Variants in GPC6 observed in about 807,000 individuals in gnomAD.
The protein encoded by GPC6 is glypican-6.
Under a neutral mutation model 55.2 loss-of-function variants are expected in GPC6, and 14 were observed. That is an observed-to-expected ratio of 0.25 (90% CI 0.17 to 0.40). The LOEUF (loss-of-function observed/expected upper bound fraction) is 0.40, where lower values mean the gene tolerates loss of function less well. GPC6 is among the 10% of genes least tolerant of loss of function. The pLI is 1.00. For synonymous variants in GPC6, 278 were observed against 259.6 expected (o/e 1.07, Z -0.68); for missense variants, 641 against 708.5 (o/e 0.90, Z 1.08).
chr13:94,270,517 T>C (rs1891957782), intron 4 of GPC6, among the ~76,000 whole-genome samples: 1 of 152,196 alleles, frequency 6.6e-6, no homozygotes, highest in Non-Finnish European at 1.5e-5. Context: ...CCTATTAGAG[T>C]TAACATCTGA....
intron 3 of GPC6, among the ~76,000 whole-genome samples, chr13:93,931,244 G>A (rs192151293): frequency 3.9e-4 from 59 of 152,140 alleles, no homozygotes; most frequent in African/African-American, 1.4e-3. Flanking sequence ...AGTGAAGGTG[G>A]GAGACTGGTG....
intron 4 of GPC6, among the ~76,000 whole-genome samples, chr13:94,123,995 G>A (rs1179737968): frequency 6.6e-6 from 1 of 152,004 alleles, no homozygotes; most frequent in African/African-American, 2.4e-5. Context: ...CTGAATTACT[G>A]AAGTAAATAA....
At chr13:94,356,627 G>C (rs150637563) in intron 6 of GPC6, among the ~76,000 whole-genome samples, 2 of 152,348 alleles carry the variant, frequency 1.3e-5, no homozygotes, top group East Asian at 3.9e-4. Flanking sequence ...TAAGAGAAGA[G>C]CCATCACTCC....
intron 3 of GPC6, among the ~76,000 whole-genome samples, chr13:93,908,983 TTGGTGTTTG>T (rs1876820329): frequency 1.3e-5 from 2 of 152,192 alleles, no homozygotes; most frequent in Admixed American, 1.3e-4. Flanking sequence ...TTCTCTTGCT[TTGGTGTTTG>T]TCTTAGCAAT....
intron 3 of GPC6, among the ~76,000 whole-genome samples, chr13:93,900,181 T>C (rs9524272): frequency 0.3 from 45,274 of 151,996 alleles, 6,859 homozygotes; most frequent in Non-Finnish European, 0.32. Context: ...TTAAGAATCT[T>C]CAGCATTCAA....
intron 1 of GPC6, among the ~76,000 whole-genome samples, chr13:93,517,076 A>G (rs1000263620): frequency 0.011 from 207 of 18,020 alleles, 1 homozygote; most frequent in Non-Finnish European, 0.085. Flanking sequence ...TTTTAGATGC[A>G]TTCATAGACA....
intron 1 of GPC6, among the ~76,000 whole-genome samples, chr13:93,334,035 A>G (rs1279562229): frequency 6.6e-6 from 1 of 152,156 alleles, no homozygotes; most frequent in Non-Finnish European, 1.5e-5. Flanking sequence ...GTTCACAAGT[A>G]TATTTAATTA....
chr13:94,353,055 C>G (rs1242941439), intron 6 of GPC6, among the ~76,000 whole-genome samples: 4 of 152,096 alleles, frequency 2.6e-5, no homozygotes, highest in Admixed American at 6.5e-5. Flanking sequence ...ATATAACTGA[C>G]AGTAACGTGT....
At chr13:94,112,619 G>A (rs1264874769) in intron 4 of GPC6, among the ~76,000 whole-genome samples, 1 of 152,086 alleles carries the variant, frequency 6.6e-6, no homozygotes. Flanking sequence ...TTGCTTCCAA[G>A]CTTTCTTATC....
At chr13:93,380,994 G>A (rs192158661) in intron 1 of GPC6, among the ~76,000 whole-genome samples, 477 of 152,224 alleles carry the variant, frequency 3.1e-3, no homozygotes, top group South Asian at 6.2e-3. Flanking sequence ...AACTATTTAA[G>A]ATCCAAATTT....
chr13:93,474,885 A>G (rs1429162833), intron 1 of GPC6, among the ~76,000 whole-genome samples: 1 of 152,208 alleles, frequency 6.6e-6, no homozygotes, highest in Non-Finnish European at 1.5e-5. Flanking sequence ...ACTTAGTGCC[A>G]GGGATGGTGG....
intron 2 of GPC6, among the ~76,000 whole-genome samples, chr13:93,718,252 C>G (rs1883323546): frequency 6.6e-6 from 1 of 152,028 alleles, no homozygotes; most frequent in Non-Finnish European, 1.5e-5. Flanking sequence ...TTCTATTTCT[C>G]CACATCCTCT....
intron 4 of GPC6, among the ~76,000 whole-genome samples, chr13:94,092,126 TGGGGC>T (rs1885507298): frequency 9.0e-6 from 1 of 110,748 alleles, no homozygotes; most frequent in Admixed American, 1.1e-4. Flanking sequence ...GTTTGCGGGG[TGGGGC>T]GGGGGGCGGG....
intron 1 of GPC6, among the ~76,000 whole-genome samples, chr13:93,319,058 C>T (rs986455880): frequency 2.6e-5 from 4 of 152,064 alleles, no homozygotes; most frequent in Non-Finnish European, 4.4e-5. Flanking sequence ...TCAATTACTT[C>T]CGATAGCACT....
intron 1 of GPC6, among the ~76,000 whole-genome samples, chr13:93,296,532 ACT>A (rs778511623): frequency 3.3e-5 from 5 of 151,372 alleles, no homozygotes; most frequent in Non-Finnish European, 7.4e-5. Context: ...TCTGCTTGAG[ACT>A]CTGTAATCTG....
chr13:93,245,188 G>GT (rs1236264745), intron 1 of GPC6, among the ~76,000 whole-genome samples: 1 of 152,208 alleles, frequency 6.6e-6, no homozygotes, highest in Admixed American at 6.5e-5. Flanking sequence ...GCTACCAACA[G>GT]TTTAACAGCC....
At chr13:93,711,585 A>AT (rs5805819) in intron 2 of GPC6, among the ~76,000 whole-genome samples, 71,770 of 149,456 alleles carry the variant, frequency 0.48, 18,795 homozygotes, top group Middle Eastern at 0.73. Context: ...TCTTTTTTAA[A>AT]TTTTTTTTTT....
intron 4 of GPC6, among the ~76,000 whole-genome samples, chr13:94,034,101 T>C (rs1883239110): frequency 6.6e-6 from 1 of 152,116 alleles, no homozygotes; most frequent in South Asian, 2.1e-4. Flanking sequence ...TGACTCAATA[T>C]TTCTCATTTC....
intron 1 of GPC6, among the ~76,000 whole-genome samples, chr13:93,537,258 T>C (rs976513356): frequency 4.6e-5 from 7 of 152,218 alleles, no homozygotes; most frequent in African/African-American, 1.7e-4. Flanking sequence ...TTTGCTCTTC[T>C]TGCCATGATA....
Sources: gnomAD v4.1 joint callset for allele counts (sites outside exome capture counted in the v4.1 genomes callset) on GRCh38, gnomAD v4.1.1 for gene constraint, MANE v1.5 for transcripts, NCBI Gene and HGNC (gene_info 2026-07-23, HGNC 2026-07-21) for gene names.